Variants in KCNQ1 observed in about 807,000 individuals in gnomAD.
The protein encoded by KCNQ1 is potassium voltage-gated channel subfamily Q member 1.
KCNQ1 carries 49 observed loss-of-function variants against 72.4 expected under a neutral mutation model. The ratio of observed to expected loss-of-function variants is 0.68; its 90% CI spans 0.54 to 0.86. The LOEUF is 0.86. Among genes scored for constraint, KCNQ1 ranks in the 40% least tolerant of loss-of-function variants. KCNQ1 has a pLI of 0.00. For synonymous variants in KCNQ1, 450 were observed against 412.6 expected (o/e 1.09, Z -1.10); for missense variants, 790 against 945.1 (o/e 0.84, Z 2.15).
intron 15 of KCNQ1, among the ~76,000 whole-genome samples, chr11:2,804,179 G>A (rs531988196): frequency 9.4e-4 from 143 of 152,122 alleles, no homozygotes; most frequent in African/African-American, 3.3e-3. Context: ...AGAAACAACT[G>A]CAGTTCACCC....
intron 15 of KCNQ1, among the ~76,000 whole-genome samples, chr11:2,847,044 G>C (rs921001826): frequency 1.3e-5 from 2 of 152,208 alleles, no homozygotes; most frequent in Non-Finnish European, 2.9e-5. Context: ...GAAAATAGTG[G>C]TGTCCCCGCT....
intron 11 of KCNQ1, chr11:2,667,400 C>A: frequency 2.5e-6 from 1 of 398,744 alleles, no homozygotes; most frequent in East Asian, 3.6e-5. Flanking sequence ...TCTGGCCAGG[C>A]TCAGCCCTCT....
In KCNQ1 at chr11:2,746,726, G is replaced by A. The variant is rs1353280588; in HGVS notation, c.1515-22118G>A. Reference sequence around the variant, plus strand: ...TGGGCGATGCTGTCTCTGTCTCCTGGCTCTGAGGCCGTGGCTGTCAATCTC... The same window carrying A: ...TGGGCGATGCTGTCTCTGTCTCCTGACTCTGAGGCCGTGGCTGTCAATCTC... On this transcript the variant is annotated intron_variant, in intron 11 of 15. Transcript: ENST00000155840. This position sits in a 1 kb window ranked among gnomAD's most constrained non-coding sequence, Gnocchi z 5.9. Among the ~76,000 whole-genome samples, 1 of 152,222 alleles carries A rather than the reference G, an allele frequency of 6.6e-6. No individual in the cohort carries two copies. The highest frequency in any genetic ancestry group is 1.5e-5 in the Non-Finnish European group (1 of 68,044).
chr11:2,553,024 C>T (rs1478711920), intron 2 of KCNQ1, among the ~76,000 whole-genome samples: 2 of 152,132 alleles, frequency 1.3e-5, no homozygotes, highest in Non-Finnish European at 2.9e-5. Context: ...TTCTCAGTTT[C>T]ACTTTTGGAT....
Position 2,759,935 on chromosome 11 carries a change from T to A in KCNQ1, c.1515-8909T>A, listed in dbSNP as rs529021459. Among the ~76,000 whole-genome samples the A allele has an allele frequency of 1.6e-3, 242 of 152,264 alleles. 1 individual carries two copies. The highest frequency in any genetic ancestry group is 5.6e-3 in the African/African-American group (231 of 41,546). ...CACATGCCAGCCCCTACCCTGGGCC[T>A]CAGGATCTGCCTGGATGGAGGCCAG... On this transcript the variant is annotated intron_variant, in intron 11 of 15. Coordinates refer to ENST00000155840, the MANE Select transcript of KCNQ1 (RefSeq NM_000218.3). This position sits in a 1 kb window ranked among gnomAD's most constrained non-coding sequence, Gnocchi z 4.4.
intron 11 of KCNQ1, among the ~76,000 whole-genome samples, chr11:2,751,858 C>A (rs907023853): frequency 6.6e-6 from 1 of 152,246 alleles, no homozygotes; most frequent in Non-Finnish European, 1.5e-5. Flanking sequence ...ACTTGCAGAA[C>A]ATGAGGCCCG....
rs1210932293 is a variant in KCNQ1 at position 2,768,824 on chromosome 11, C to G, written c.1515-20C>G. ...GCACAGGGTGGCCACTCACAATCTC[C>G]TCTCCTCTCTCCACTGCAGGCTGCG... On this transcript the variant is annotated intron_variant, in intron 11 of 15. Transcript: ENST00000155840. The surrounding 1 kb of genome is among the most constrained non-coding windows in gnomAD (Gnocchi z 6.7). 6.2e-7 allele frequency: 1 copy of G among 1,608,442 alleles called. No homozygotes were observed. The highest frequency in any genetic ancestry group is 8.5e-7 in the Non-Finnish European group (1 of 1,174,854).
intron 10 of KCNQ1, chr11:2,640,995 T>C (rs1226871097): frequency 2.5e-6 from 1 of 398,594 alleles, no homozygotes; most frequent in Non-Finnish European, 4.4e-6. Flanking sequence ...AAGGACATGA[T>C]TTCATTCTTC....
Position 2,592,235 on chromosome 11 carries a change from G to A in KCNQ1, c.1393+3381G>A, listed in dbSNP as rs1848680079. Among the ~76,000 whole-genome samples, 1 of 152,232 alleles carries A rather than the reference G, an allele frequency of 6.6e-6. No individual in the cohort carries two copies. Among genetic ancestry groups the A allele is most frequent in the South Asian group, 2.1e-4 (1 of 4,832 alleles). ...CCATTTATAGATGGAGAAACGGAAG[G>A]CCAGGGCCATGTGGGGAACTCCTGA... On this transcript the variant is annotated intron_variant, in intron 10 of 15. Transcript: ENST00000155840. This position sits in a 1 kb window ranked among gnomAD's most constrained non-coding sequence, Gnocchi z 5.2.
intron 15 of KCNQ1, among the ~76,000 whole-genome samples, chr11:2,836,727 A>G (rs1398122796): frequency 1.1e-4 from 17 of 152,260 alleles, no homozygotes; most frequent in Admixed American, 1.1e-3. Flanking sequence ...TGTGTGTCAC[A>G]TCACGCCTCG....
intron 1 of KCNQ1, among the ~76,000 whole-genome samples, chr11:2,487,280 T>C (rs553003656): frequency 2.6e-5 from 4 of 152,258 alleles, no homozygotes; most frequent in Non-Finnish European, 4.4e-5. Context: ...TGTAAGTTTA[T>C]AGTAAAGTTT....
At chr11:2,840,527 G>A (rs943717095) in intron 15 of KCNQ1, 8 of 150,032 alleles carry the variant, frequency 5.3e-5, no homozygotes, top group Non-Finnish European at 7.4e-5. Flanking sequence ...AAAAGTATTA[G>A]GAAAAAAGAT....
At position 2,645,929 on chromosome 11, in the gene KCNQ1, CTT is replaced by C. The variant is rs1374216521; in HGVS notation, c.1394-16031_1394-16030del. On this transcript the variant is annotated intron_variant, in intron 10 of 15. Coordinates refer to ENST00000155840, the MANE Select transcript of KCNQ1 (RefSeq NM_000218.3). The surrounding 1 kb of genome is among the most constrained non-coding windows in gnomAD (Gnocchi z 5.8). ...CCATTTCACAGTCTGTAGGTAGCCT[CTT>C]GTTAGTCTCAAGGCATCTATGGGTC... The C allele has an allele frequency of 2.3e-5, 9 of 398,488 alleles. No homozygotes were observed. Among genetic ancestry groups the C allele is most frequent in the Non-Finnish European group, 3.5e-5 (8 of 226,082 alleles). The allele number at this position is 398,488 out of a possible 1,614,324, so 24.7% of individuals were successfully genotyped here. A position where few individuals can be genotyped will look rare whatever the true frequency, so the allele number is the denominator to read the frequency against.
chr11:2,538,825 G>T lies in KCNQ1; in HGVS notation c.477+10807G>T, dbSNP rs1444565742. Among the ~76,000 whole-genome samples the T allele has an allele frequency of 1.4e-5, 2 of 147,346 alleles. No individual in the cohort carries two copies. The highest frequency in any genetic ancestry group is 3.0e-5 in the Non-Finnish European group (2 of 66,966). ...AGAACAAGATGGGGTGGGGTGGGGG[G>T]CAGTGAGGGGCCTGGGGCAGGAGGT... On this transcript the variant is annotated intron_variant, in intron 2 of 15. Transcript: ENST00000155840. The surrounding 1 kb of genome is among the most constrained non-coding windows in gnomAD (Gnocchi z 6.7).
chr11:2,694,127 C>G (rs1850633792), intron 11 of KCNQ1: 1 of 398,524 alleles, frequency 2.5e-6, no homozygotes, highest in Non-Finnish European at 4.4e-6. Context: ...GAAGTGCTTG[C>G]CAAACAAATT....
Position 2,553,148 on chromosome 11 carries a change from T to C in KCNQ1, c.478-17480T>C, listed in dbSNP as rs74407622. Among the ~76,000 whole-genome samples, 459 of 147,822 alleles carry C rather than the reference T, an allele frequency of 3.1e-3. 2 individuals carry two copies. Among genetic ancestry groups the C allele is most frequent in the Non-Finnish European group, 5.5e-3 (371 of 67,874 alleles). On this transcript the variant is annotated intron_variant, in intron 2 of 15. Transcript: ENST00000155840. Reference sequence around the variant, plus strand: ...GAGAAGGTTTCTTGTTCATCTGTTTTTGGGGTTTTTTTTGTTTTTTTTTTT... The same window carrying C: ...GAGAAGGTTTCTTGTTCATCTGTTTCTGGGGTTTTTTTTGTTTTTTTTTTT...
Position 2,563,209 on chromosome 11 carries a change from G to A in KCNQ1, c.478-7419G>A, listed in dbSNP as rs1318837789. Among the ~76,000 whole-genome samples the A allele has an allele frequency of 1.3e-5, 2 of 152,174 alleles. No homozygotes were observed. Among genetic ancestry groups the A allele is most frequent in the Non-Finnish European group, 2.9e-5 (2 of 68,036 alleles). ...CCCAGAAAATCTTCGCTATGTTGGA[G>A]ATTCGCCGGCTGATAAAAGCAAAAC... is the stretch of plus-strand genomic sequence containing the variant. On this transcript the variant is annotated intron_variant, in intron 2 of 15. Transcript: ENST00000155840. The surrounding 1 kb of genome is among the most constrained non-coding windows in gnomAD (Gnocchi z 7.4).
chr11:2,573,030 C>A lies in KCNQ1; in HGVS notation c.921+44C>A. ...GGCATGGGGACAGGGGCAGCTCAGG[C>A]TGAGGAGTGGGCAGGACATCTGGGC... On this transcript the variant is annotated intron_variant, in intron 6 of 15. Transcript: ENST00000155840. 1.9e-6 allele frequency: 3 copies of A among 1,600,738 alleles called. 1 individual carries two copies. Among genetic ancestry groups the A allele is most frequent in the African/African-American group, 1.3e-5 (1 of 74,890 alleles).
At chr11:2,605,429 C>T (rs1279531226) in intron 10 of KCNQ1, among the ~76,000 whole-genome samples, 4 of 152,100 alleles carry the variant, frequency 2.6e-5, no homozygotes, top group Admixed American at 6.5e-5. Context: ...TTATCTGTTA[C>T]GTATTTATGT....
Sources: gnomAD v4.1 joint callset for allele counts (sites outside exome capture counted in the v4.1 genomes callset) on GRCh38, gnomAD v4.1.1 for gene constraint, Gnocchi (gnomAD v3.1) non-coding constraint, MANE v1.5 for transcripts, NCBI Gene and HGNC (gene_info 2026-07-23, HGNC 2026-07-21) for gene names.